Variants in DLGAP1 observed in about 807,000 individuals in gnomAD.
DLGAP1 encodes the protein DLG associated protein 1, also known as disks large-associated protein 1.
DLGAP1 carries 11 observed loss-of-function variants against 90.8 expected under a neutral mutation model. That is an observed-to-expected ratio of 0.12 (90% confidence interval 0.08 to 0.20). The LOEUF is 0.20. Among genes scored for constraint, DLGAP1 ranks in the 10% least tolerant of loss-of-function variants. DLGAP1 has a pLI of 1.00. For synonymous variants in DLGAP1, 558 were observed against 540.7 expected, an observed-to-expected ratio of 1.03 and a Z score of -0.44; for missense variants, 1,050 against 1,333.8, an observed-to-expected ratio of 0.79 and a Z score of 3.31.
intron 1 of DLGAP1, among the ~76,000 whole-genome samples, chr18:4,316,944 C>T (rs920833137): frequency 7.2e-5 from 11 of 152,154 alleles, no homozygotes; most frequent in Non-Finnish European, 1.6e-4. Context: ...GTTTCGTTGG[C>T]TTTTTCTACC....
chr18:4,272,417 C>G (rs1282315329), intron 1 of DLGAP1, among the ~76,000 whole-genome samples: 1 of 152,094 alleles, frequency 6.6e-6, no homozygotes, highest in East Asian at 1.9e-4. Flanking sequence ...AATATATTAT[C>G]TCACTAAATA....
intron 1 of DLGAP1, among the ~76,000 whole-genome samples, chr18:4,381,100 T>G (rs1438753399): frequency 3.3e-5 from 5 of 152,208 alleles, no homozygotes; most frequent in Non-Finnish European, 7.3e-5. Flanking sequence ...ATATATTTTA[T>G]AGTTAACGAT....
intron 4 of DLGAP1, among the ~76,000 whole-genome samples, chr18:3,846,439 G>A (rs530689124): frequency 2.6e-5 from 4 of 152,214 alleles, no homozygotes; most frequent in East Asian, 1.9e-4. Context: ...CAGCAATCAC[G>A]CTTTTAGGCA....
intron 1 of DLGAP1, among the ~76,000 whole-genome samples, chr18:4,377,635 G>A (rs1385077187): frequency 1.3e-5 from 2 of 152,056 alleles, no homozygotes; most frequent in Admixed American, 6.6e-5. Context: ...ATTATGACAT[G>A]TAAATTATTA....
intron 3 of DLGAP1, among the ~76,000 whole-genome samples, chr18:3,951,024 C>T (rs912876514): frequency 5.9e-5 from 9 of 152,174 alleles, no homozygotes; most frequent in African/African-American, 2.2e-4. Context: ...CATCATTCAG[C>T]TCAGAAGTTA....
intron 5 of DLGAP1, among the ~76,000 whole-genome samples, chr18:3,795,599 T>A (rs566612898): frequency 6.6e-6 from 1 of 152,028 alleles, no homozygotes; most frequent in Admixed American, 6.6e-5. Flanking sequence ...CAGGCATGAG[T>A]CACCGCGCCT....
At chr18:3,920,160 C>T (rs963612364) in intron 3 of DLGAP1, among the ~76,000 whole-genome samples, 11 of 151,970 alleles carry the variant, frequency 7.2e-5, no homozygotes, top group Middle Eastern at 3.4e-3. Flanking sequence ...CTGGCCAACA[C>T]GGTGAAACCC....
At chr18:3,621,315 A>T (rs1016053858) in intron 7 of DLGAP1, among the ~76,000 whole-genome samples, 1 of 152,292 alleles carries the variant, frequency 6.6e-6, no homozygotes, top group South Asian at 2.1e-4. Flanking sequence ...CCTAAGGTTC[A>T]TCAAAGCTGA....
intron 1 of DLGAP1, among the ~76,000 whole-genome samples, chr18:4,316,350 A>G (rs2080526866): frequency 6.6e-6 from 1 of 152,190 alleles, no homozygotes. Flanking sequence ...CACTATAGAA[A>G]ACAAGTGGCT....
chr18:4,409,997 G>A (rs1299050111), intron 1 of DLGAP1, among the ~76,000 whole-genome samples: 1 of 152,164 alleles, frequency 6.6e-6, no homozygotes, highest in Non-Finnish European at 1.5e-5. Context: ...TGAATTAACA[G>A]CATTTGCAAT....
intron 5 of DLGAP1, among the ~76,000 whole-genome samples, chr18:3,792,314 C>G (rs2065773553): frequency 6.6e-6 from 1 of 152,046 alleles, no homozygotes; most frequent in Non-Finnish European, 1.5e-5. Flanking sequence ...AACCCTGTCT[C>G]TACTAAAAAC....
At chr18:3,556,461 A>C (rs933736768) in intron 9 of DLGAP1, among the ~76,000 whole-genome samples, 1 of 152,056 alleles carries the variant, frequency 6.6e-6, no homozygotes, top group African/African-American at 2.4e-5. Flanking sequence ...TCATCTTTTT[A>C]CTGTCTCGTT....
chr18:3,637,944 CTTT>C (rs56346479), intron 7 of DLGAP1, among the ~76,000 whole-genome samples: 56 of 109,366 alleles, frequency 5.1e-4, no homozygotes, highest in East Asian at 2.2e-3. Context: ...TGCTAGGTAG[CTTT>C]TTTTTTTTTT....
In DLGAP1 at chr18:3,879,161, A is replaced by G. The variant is rs1387493534; in HGVS notation, c.908T>C (p.Met303Thr). ...TTGCTGACACGACTCGGACTTCACC[A>G]TGGCCTGGTCCATGTTCACCGAGGC... ...QKASVNMDQAMVKSESCQQER... is the reference protein window; with the variant it reads ...QKASVNMDQATVKSESCQQER... The change falls in exon 4 of 13, where the codon ATG becomes ACG. Residue 303 changes from methionine (M) to threonine (T), a missense_variant. By Grantham distance (81) the Met-to-Thr change is moderately conservative. Transcript: ENST00000315677. The surrounding 1 kb of genome is among the most constrained non-coding windows in gnomAD (Gnocchi z 6.6). 1.3e-6 allele frequency: 2 copies of G among 1,513,052 alleles called. No individual in the cohort carries two copies. The highest frequency in any genetic ancestry group is 8.8e-7 in the Non-Finnish European group (1 of 1,130,928). The allele number at this position is 1,513,052 out of a possible 1,614,324, so 93.7% of individuals were successfully genotyped here. A position where few individuals can be genotyped will look rare whatever the true frequency, so the allele number is the denominator to read the frequency against.
intron 1 of DLGAP1, among the ~76,000 whole-genome samples, chr18:4,289,723 GTTTAAAT>G (rs1434100065): frequency 6.6e-6 from 1 of 152,076 alleles, no homozygotes; most frequent in Non-Finnish European, 1.5e-5. Flanking sequence ...TAATTTTAAT[GTTTAAAT>G]TTTAAATTTT....
chr18:4,396,312 C>T (rs879856699), intron 1 of DLGAP1, among the ~76,000 whole-genome samples: 1 of 152,140 alleles, frequency 6.6e-6, no homozygotes, highest in Non-Finnish European at 1.5e-5. Context: ...AAGAATATGA[C>T]CACCAGGAAA....
At chr18:3,568,027 T>C (rs1277663924) in intron 8 of DLGAP1, among the ~76,000 whole-genome samples, 1 of 152,012 alleles carries the variant, frequency 6.6e-6, no homozygotes, top group East Asian at 1.9e-4. Flanking sequence ...GCCTCCCGAA[T>C]AGCTGAGATT....
At chr18:4,374,548 T>C (rs1250273647) in intron 1 of DLGAP1, among the ~76,000 whole-genome samples, 2 of 151,936 alleles carry the variant, frequency 1.3e-5, no homozygotes, top group African/African-American at 2.4e-5. Flanking sequence ...GCATGAAAAG[T>C]TGAAAAAGAG....
chr18:4,297,720 T>C (rs1433174335), intron 1 of DLGAP1, among the ~76,000 whole-genome samples: 1 of 152,136 alleles, frequency 6.6e-6, no homozygotes, highest in African/African-American at 2.4e-5. Flanking sequence ...TTGGCTTACA[T>C]TCTGGTATAA....
Sources: allele counts gnomAD v4.1 joint callset (sites outside exome capture counted in the v4.1 genomes callset), GRCh38; gene constraint gnomAD v4.1.1; non-coding constraint Gnocchi (gnomAD v3.1); transcripts MANE v1.5; gene names NCBI Gene and HGNC (gene_info 2026-07-23, HGNC 2026-07-21).